Variants in MMEL1 observed in about 807,000 individuals in gnomAD.
MMEL1 encodes membrane metallo-endopeptidase-like 1.
MMEL1 carries 98 observed loss-of-function variants against 117.1 expected under a neutral mutation model. That is an observed-to-expected ratio of 0.84 (90% CI 0.71 to 0.99). The LOEUF (loss-of-function observed/expected upper bound fraction) is 0.99. Among genes scored for constraint, MMEL1 ranks in the 50% least tolerant of loss-of-function variants. MMEL1 has a pLI of 0.00. For synonymous variants in MMEL1, 390 were observed against 415.1 expected, an observed-to-expected ratio of 0.94 and a Z score of 0.74; for missense variants, 1,014 against 1,049.1, an observed-to-expected ratio of 0.97 and a Z score of 0.46.
intron 5 of MMEL1, 28 bp from the exon 6 acceptor site, chr1:2,609,447 A>G: frequency 1.3e-6 from 2 of 1,596,834 alleles, no homozygotes; most frequent in South Asian, 1.1e-5. Flanking sequence ...GGTTGGACAG[A>G]GGCCTGACGA....
At chr1:2,606,715 G>A (rs573000508) in intron 7 of MMEL1, among the ~76,000 whole-genome samples, 8 of 152,144 alleles carry the variant, frequency 5.3e-5, no homozygotes, top group African/African-American at 1.4e-4. Context: ...AGTGTCGAGC[G>A]CTCCTAGGGG....
chr1:2,621,551 T>C (rs930785693), intron 2 of MMEL1, among the ~76,000 whole-genome samples: 20 of 151,354 alleles, frequency 1.3e-4, no homozygotes, highest in African/African-American at 4.6e-4. Context: ...TGTCCCACCT[T>C]TCTGGACTGA....
rs936696317 is a variant in MMEL1 at position 2,593,826 on chromosome 1, A to G, written c.1855T>C (p.Phe619Leu). 1.3e-5 allele frequency: 21 copies of G among 1,608,120 alleles called. No homozygotes were observed. Among genetic ancestry groups the G allele is most frequent in the Non-Finnish European group, 1.8e-5 (21 of 1,176,572 alleles). ...MVIGHEITHG[F>L]DDNGRNFDKN... ...GGCGGCCGCTCACCATTGTCGTCAA[A>G]GCCGTGCGTGATCTCGTGCCCGATC... The change falls in exon 19 of 24, where the codon TTT (phenylalanine) becomes CTT (leucine). Residue 619 changes from phenylalanine (F) to leucine (L), a missense_variant. Physicochemically the swap from Phe to Leu is conservative, Grantham distance 22. Coordinates refer to ENST00000378412, the MANE Select transcript of MMEL1 (RefSeq NM_033467.4).
intron 14 of MMEL1, 44 bp downstream of exon 14, chr1:2,596,517 G>A: frequency 6.3e-7 from 1 of 1,594,152 alleles, no homozygotes; most frequent in Non-Finnish European, 8.5e-7. Context: ...CGGTGTCCCT[G>A]TGGAAGGCTG....
intron 2 of MMEL1, among the ~76,000 whole-genome samples, chr1:2,628,306 C>A (rs916389439): frequency 1.3e-5 from 2 of 152,240 alleles, no homozygotes; most frequent in Non-Finnish European, 2.9e-5. Context: ...GGACGCCCTG[C>A]ACATCCACAG....
chr1:2,591,010 C>T lies in MMEL1; in HGVS notation c.2320G>A (p.Glu774Lys), dbSNP rs1437631747. 6.2e-7 allele frequency: 1 copy of T among 1,600,960 alleles called. No individual in the cohort carries two copies. The highest frequency in any genetic ancestry group is 1.3e-5 in the African/African-American group (1 of 74,486). The stretch of plus-strand genomic sequence containing the variant: ...CTTGGCTACCACACGCGGCATCGCT[C>T]CTTGGGGTGCATGGGGGTGCCCCGG... ...CARGTPMHPK[E>K]RCRVW The change falls in exon 24 of 24, where the codon GAG (glutamate) becomes AAG (lysine). Residue 774 changes from glutamate to lysine, a missense_variant. Coordinates refer to ENST00000378412, the MANE Select transcript of MMEL1 (RefSeq NM_033467.4).
chr1:2,630,549 T>G (rs1638501065), intron 1 of MMEL1, among the ~76,000 whole-genome samples: 1 of 147,518 alleles, frequency 6.8e-6, no homozygotes, highest in Non-Finnish European at 1.5e-5. Context: ...CTGTCTACGC[T>G]CATGTGTGCA....
At chr1:2,593,054 C>T in intron 19 of MMEL1, 88 bp from the exon 20 acceptor site, 1 of 1,521,606 alleles carries the variant, frequency 6.6e-7, no homozygotes, top group South Asian at 1.2e-5. Context: ...GCCGCTCCTG[C>T]CCCTCCTGCA....
At chr1:2,603,092 G>A (rs529617603) in intron 11 of MMEL1, among the ~76,000 whole-genome samples, 96 of 152,296 alleles carry the variant, frequency 6.3e-4, no homozygotes, top group Middle Eastern at 6.8e-3. Flanking sequence ...CCGATCTAGG[G>A]ACCACCAGCC....
In MMEL1 at chr1:2,611,348, C is replaced by A. The variant is rs1213836057; in HGVS notation, c.233-8G>T. ...CTTGGGCCTCTGGGATCCCTGCGGG[C>A]AAGGAGCAGCCTGAGCACCGGGAGC... On this transcript the variant is annotated splice_polypyrimidine_tract_variant and splice_region_variant and intron_variant, in intron 3 of 23. Coordinates refer to ENST00000378412, the MANE Select transcript of MMEL1 (RefSeq NM_033467.4). The A allele has an allele frequency of 3.9e-6, 6 of 1,521,492 alleles. No individual in the cohort carries two copies. The highest frequency in any genetic ancestry group is 5.3e-6 in the Non-Finnish European group (6 of 1,134,482). 94.2% of individuals were successfully genotyped at this position (1,521,492 alleles called of 1,614,324 possible).
chr1:2,618,394 C>T (rs1273560892), intron 2 of MMEL1, among the ~76,000 whole-genome samples: 4 of 152,236 alleles, frequency 2.6e-5, no homozygotes, highest in Non-Finnish European at 4.4e-5. Context: ...GCCAAATCCA[C>T]CTCTTTTCTC....
At chr1:2,611,439 G>T in intron 3 of MMEL1, 99 bp from the exon 4 acceptor site, 1 of 742,958 alleles carries the variant, frequency 1.3e-6, no homozygotes, top group Non-Finnish European at 2.1e-6. Flanking sequence ...GTGTGGCATG[G>T]GGATGGGCAT....
chr1:2,629,206 A>G, intron 2 of MMEL1, 125 bp downstream of exon 2: 1 of 1,108,888 alleles, frequency 9.0e-7, no homozygotes, highest in Non-Finnish European at 1.2e-6. Context: ...TGCCCAGTGC[A>G]GACCCACCTG....
rs4648659 is a variant in MMEL1 at position 2,629,464 on chromosome 1, T to C, written c.21A>G (p.Pro7=). The C allele has an allele frequency of 4.6e-6, 7 of 1,530,544 alleles. No individual in the cohort carries two copies. The South Asian group carries it at 8.4e-5, about 18-fold the overall frequency. The allele number at this position is 1,530,544 out of a possible 1,614,324, so 94.8% of individuals were successfully genotyped here. A position where few individuals can be genotyped will look rare whatever the true frequency, so the allele number is the denominator to read the frequency against. ...GGCCGGCGCTCTCCACCATCCCCAC[T>C]GGGCCTTCGGACTTCCCCATCAGCA... MGKSEG[P]VGMVESAGRA... is the part of the protein sequence containing the mutation. The change falls in exon 2 of 24, where the codon CCA becomes CCG. Residue 7 remains proline, a synonymous_variant. Coordinates refer to ENST00000378412, the MANE Select transcript of MMEL1 (RefSeq NM_033467.4).
chr1:2,590,879 G>T lies in MMEL1; in HGVS notation c.*111C>A. The T allele has an allele frequency of 1.2e-6, 1 of 827,096 alleles. No homozygotes were observed. Among genetic ancestry groups the T allele is most frequent in the Non-Finnish European group, 1.7e-6 (1 of 589,542 alleles). The allele number at this position is 827,096 out of a possible 1,614,324, so 51.2% of individuals were successfully genotyped here. On this transcript the variant is annotated 3_prime_UTR_variant, in exon 24 of 24. Coordinates refer to ENST00000378412, the MANE Select transcript of MMEL1 (RefSeq NM_033467.4). The stretch of plus-strand genomic sequence containing the variant: ...GCGCAGAGGCCTGGCAGGCAGGCTT[G>T]GCATGGTTGGCCGGGGCGGGACGTA...
At chr1:2,619,640 A>C (rs1487036936) in intron 2 of MMEL1, among the ~76,000 whole-genome samples, 2 of 139,448 alleles carry the variant, frequency 1.4e-5, no homozygotes, top group Admixed American at 7.3e-5. Flanking sequence ...CCTGGGCGAC[A>C]GAGTGAGACT....
chr1:2,605,831 C>T (rs990896234), intron 8 of MMEL1, among the ~76,000 whole-genome samples: 2 of 31,250 alleles, frequency 6.4e-5, no homozygotes, highest in East Asian at 6.1e-4. Flanking sequence ...GAGAGGGTGG[C>T]GGGGGTGGGG....
chr1:2,604,128 C>A lies in MMEL1; in HGVS notation c.951+19G>T, dbSNP rs1233206300. On this transcript the variant is annotated intron_variant, in intron 10 of 23. Coordinates refer to ENST00000378412, the MANE Select transcript of MMEL1 (RefSeq NM_033467.4). ...CAGCCCACTCGCTGCCCGCTCCCCA[C>A]CCGCCCCGGCCCCCTTACCTTGGCC... is the stretch of plus-strand genomic sequence containing the variant. 6.8e-7 allele frequency: 1 copy of A among 1,470,592 alleles called. No individual in the cohort carries two copies. Among genetic ancestry groups the A allele is most frequent in the Non-Finnish European group, 9.4e-7 (1 of 1,058,226 alleles). The allele number at this position is 1,470,592 out of a possible 1,614,324, so 91.1% of individuals were successfully genotyped here.
At chr1:2,599,764 T>A (rs933555077) in intron 11 of MMEL1, among the ~76,000 whole-genome samples, 4 of 150,386 alleles carry the variant, frequency 2.7e-5, no homozygotes, top group Non-Finnish European at 2.9e-5. Flanking sequence ...GGCTGAGGCA[T>A]GAGAATCGCT....
Sources: gnomAD v4.1 joint callset for allele counts (sites outside exome capture counted in the v4.1 genomes callset) on GRCh38, gnomAD v4.1.1 for gene constraint, MANE v1.5 for transcripts, NCBI Gene and HGNC (gene_info 2026-07-23, HGNC 2026-07-21) for gene names.